Variants in CELF2 observed in about 807,000 individuals in gnomAD.
CELF2 encodes CUG triplet repeat RNA-binding protein 2.
A neutral mutation model predicts 62.6 loss-of-function variants in CELF2; 8 were observed. The observed-to-expected ratio is 0.13, with a 90% CI of 0.07 to 0.23. The LOEUF is 0.23. Ranked by LOEUF, CELF2 falls within the 10% of genes least tolerant of loss-of-function variation. CELF2 has a pLI of 1.00. For synonymous variants in CELF2, 258 were observed against 250.0 expected (o/e 1.03, Z -0.30); for missense variants, 333 against 671.0 (o/e 0.50, Z 5.56).
chr10:11,302,837 G>A lies in CELF2; in HGVS notation c.977-11302G>A, dbSNP rs2093893789. Among the ~76,000 whole-genome samples the A allele has an allele frequency of 6.6e-6, 1 of 152,202 alleles. No homozygotes were observed. The stretch of plus-strand genomic sequence containing the variant: ...TGTGCTGCGGACAGTGGAAGTTGGA[G>A]CCTTCACCAGAGTTCTGCCTGGAAG... On this transcript the variant is annotated intron_variant, in intron 9 of 12. Coordinates refer to ENST00000633077, the MANE Select transcript of CELF2 (RefSeq NM_001326342.2). The surrounding 1 kb of genome is among the most constrained non-coding windows in gnomAD (Gnocchi z 5.0).
chr10:10,647,399 C>T, the CELF2 span, among the ~76,000 whole-genome samples: 1 of 152,144 alleles, frequency 6.6e-6, no homozygotes, highest in East Asian at 1.9e-4. Context: ...TCTCAACTCT[C>T]CCAGGTCTTT....
chr10:11,094,940 C>G (rs375655350), intron 1 of CELF2, among the ~76,000 whole-genome samples: 11 of 152,208 alleles, frequency 7.2e-5, no homozygotes, highest in African/African-American at 2.6e-4. Context: ...ATTCTAATTT[C>G]CCAAAATGGC....
intron 9 of CELF2, among the ~76,000 whole-genome samples, chr10:11,307,197 G>T (rs878997233): frequency 1.3e-5 from 2 of 152,370 alleles, no homozygotes; most frequent in Admixed American, 1.3e-4. Context: ...CCTTGCCCCA[G>T]GGCGAAGCAC....
At position 11,243,259 on chromosome 10, in the gene CELF2, C is replaced by A. The variant is rs1302278553; in HGVS notation, c.355-5894C>A. Among the ~76,000 whole-genome samples the A allele has an allele frequency of 6.6e-6, 1 of 151,910 alleles. No individual in the cohort carries two copies. Among genetic ancestry groups the A allele is most frequent in the African/African-American group, 2.4e-5 (1 of 41,314 alleles). ...AAGGGAAGGAGCCTTTGAAATTTCC[C>A]CTTTCGCTATGTTTCACTGGTTTTT... On this transcript the variant is annotated intron_variant, in intron 3 of 12. Coordinates refer to ENST00000633077, the MANE Select transcript of CELF2 (RefSeq NM_001326342.2). This position sits in a 1 kb window ranked among gnomAD's most constrained non-coding sequence, Gnocchi z 4.1.
chr10:10,535,485 C>G, the CELF2 span, among the ~76,000 whole-genome samples: 1 of 152,104 alleles, frequency 6.6e-6, no homozygotes, highest in Non-Finnish European at 1.5e-5. Flanking sequence ...TTTGGGAGGC[C>G]AAGGTGGGTG....
chr10:10,588,198 T>A, the CELF2 span, among the ~76,000 whole-genome samples: 2 of 151,938 alleles, frequency 1.3e-5, no homozygotes, highest in Non-Finnish European at 2.9e-5. Flanking sequence ...TTACCCCAAA[T>A]CCCAGGGCAG....
chr10:11,173,143 A>G (rs2069535974), intron 2 of CELF2, among the ~76,000 whole-genome samples: 1 of 152,216 alleles, frequency 6.6e-6, no homozygotes, highest in South Asian at 2.1e-4. Flanking sequence ...GCTCCCCACT[A>G]GAGATGTCTT....
At chr10:11,253,732 C>G (rs1025130581) in intron 4 of CELF2, among the ~76,000 whole-genome samples, 2 of 152,146 alleles carry the variant, frequency 1.3e-5, no homozygotes, top group Non-Finnish European at 1.5e-5. Context: ...TTAACCCATT[C>G]TCATCATATC....
chr10:11,038,571 T>C (rs2061335223), intron 1 of CELF2, among the ~76,000 whole-genome samples: 1 of 152,218 alleles, frequency 6.6e-6, no homozygotes, highest in Admixed American at 6.5e-5. Flanking sequence ...GTAGGAATTA[T>C]GACAGGATTT....
In CELF2 at chr10:11,214,842, G is replaced by T. The variant is rs915642101; in HGVS notation, c.272-2583G>T. Among the ~76,000 whole-genome samples the T allele has an allele frequency of 6.6e-6, 1 of 152,176 alleles. No individual in the cohort carries two copies. Among genetic ancestry groups the T allele is most frequent in the Non-Finnish European group, 1.5e-5 (1 of 68,030 alleles). On this transcript the variant is annotated intron_variant, in intron 2 of 12. Coordinates refer to ENST00000633077, the MANE Select transcript of CELF2 (RefSeq NM_001326342.2). The surrounding 1 kb of genome is among the most constrained non-coding windows in gnomAD (Gnocchi z 4.2). ...GTAGTGATAAGTGACTGACTTCACC[G>T]TACTAGTTGTAAAGGCAGAGTGGAC...
chr10:10,534,772 A>C, the CELF2 span, among the ~76,000 whole-genome samples: 1 of 152,196 alleles, frequency 6.6e-6, no homozygotes, highest in Non-Finnish European at 1.5e-5. Context: ...GGTCACCCTG[A>C]TATATTATTA....
the CELF2 span, among the ~76,000 whole-genome samples, chr10:10,758,189 G>T: frequency 6.6e-6 from 1 of 152,142 alleles, no homozygotes; most frequent in Non-Finnish European, 1.5e-5. Context: ...AGTGAAGCAC[G>T]GCTGGAGAGG....
At position 11,244,888 on chromosome 10, in the gene CELF2, G is replaced by A. The variant is rs1409915909; in HGVS notation, c.355-4265G>A. Among the ~76,000 whole-genome samples the A allele has an allele frequency of 2.6e-5, 4 of 152,078 alleles. No individual in the cohort carries two copies. Among genetic ancestry groups the A allele is most frequent in the Non-Finnish European group, 4.4e-5 (3 of 68,024 alleles). On this transcript the variant is annotated intron_variant, in intron 3 of 12. Transcript: ENST00000633077. This position sits in a 1 kb window ranked among gnomAD's most constrained non-coding sequence, Gnocchi z 4.2. ...CTTCATCTGAGACGCCTTCCCCAGC[G>A]TGTCCTTCCTCCATCTGTGTCTGGT...
At chr10:10,536,607 G>A in the CELF2 span, among the ~76,000 whole-genome samples, 1 of 152,000 alleles carries the variant, frequency 6.6e-6, no homozygotes, top group Admixed American at 6.5e-5. Context: ...TTTCTGGTTT[G>A]ACTCTTGGCC....
intron 1 of CELF2, among the ~76,000 whole-genome samples, chr10:10,853,981 C>T (rs928987854): frequency 3.9e-5 from 6 of 152,118 alleles, no homozygotes; most frequent in African/African-American, 1.4e-4. Context: ...TCCCCATATA[C>T]CTTCTTTGTG....
chr10:11,071,082 T>A (rs1319927203), intron 1 of CELF2, among the ~76,000 whole-genome samples: 2 of 152,222 alleles, frequency 1.3e-5, no homozygotes, highest in East Asian at 3.9e-4. Context: ...GTGATCCTAT[T>A]TATTTTAATC....
chr10:11,025,916 C>T (rs889232786), intron 1 of CELF2, among the ~76,000 whole-genome samples: 2 of 152,196 alleles, frequency 1.3e-5, no homozygotes, highest in Non-Finnish European at 2.9e-5. Flanking sequence ...GCAGTTCTGC[C>T]ATGTTACTGG....
At chr10:10,786,145 G>T in the CELF2 span, among the ~76,000 whole-genome samples, 2 of 152,146 alleles carry the variant, frequency 1.3e-5, no homozygotes, top group Non-Finnish European at 2.9e-5. Context: ...CTGGCTCCGG[G>T]GTCAGCCACA....
chr10:11,221,699 C>T (rs867822625), intron 3 of CELF2, among the ~76,000 whole-genome samples: 3 of 152,196 alleles, frequency 2.0e-5, no homozygotes, highest in Non-Finnish European at 4.4e-5. Flanking sequence ...GAGGAAGCTG[C>T]GGAATCTAAA....
Sources: allele counts gnomAD v4.1 joint callset (sites outside exome capture counted in the v4.1 genomes callset), GRCh38; gene constraint gnomAD v4.1.1; non-coding constraint Gnocchi (gnomAD v3.1); transcripts MANE v1.5; gene names NCBI Gene and HGNC (gene_info 2026-07-23, HGNC 2026-07-21).